Variants in CDH6 observed in about 807,000 individuals in gnomAD.
The protein encoded by CDH6 is cadherin-6.
CDH6 carries 31 observed loss-of-function variants against 78.0 expected under a neutral mutation model. The observed-to-expected ratio is 0.40, with a 90% CI of 0.30 to 0.54. CDH6 has a LOEUF of 0.54. CDH6 is among the 20% of genes least tolerant of loss of function. CDH6 has a pLI of 0.56. For missense variants in CDH6, 724 were observed against 975.9 expected, an observed-to-expected ratio of 0.74 and a Z score of 3.44; for synonymous variants, 376 against 368.8, an observed-to-expected ratio of 1.02 and a Z score of -0.23.
chr5:31,323,394 T>G lies in CDH6; in HGVS notation c.*86T>G. ...TATTTATCCACTACTCCGTGAAGGC[T>G]TCTCTGTTCTACCCGTTCCAAAAGC... On this transcript the variant is annotated 3_prime_UTR_variant, in exon 12 of 12. Coordinates refer to ENST00000265071, the MANE Select transcript of CDH6 (RefSeq NM_004932.4). 2.8e-6 allele frequency: 4 copies of G among 1,451,562 alleles called. No individual in the cohort carries two copies. The highest frequency in any genetic ancestry group is 3.7e-6 in the Non-Finnish European group (4 of 1,068,908). 89.9% of individuals were successfully genotyped at this position (1,451,562 alleles called of 1,614,324 possible).
intron 2 of CDH6, among the ~76,000 whole-genome samples, chr5:31,271,823 C>T (rs1046475349): frequency 2.6e-5 from 4 of 152,136 alleles, no homozygotes; most frequent in Non-Finnish European, 4.4e-5. Flanking sequence ...TGCATTTTAA[C>T]AAGATCCCCA....
rs1737544931 is a variant in CDH6, at chr5:31,294,970, C to G, written c.523+714C>G. 6.6e-6 allele frequency among the ~76,000 whole-genome samples: 1 copy of G among 152,158 alleles called. No individual in the cohort carries two copies. Among genetic ancestry groups the G allele is most frequent in the South Asian group, 2.1e-4 (1 of 4,830 alleles). On this transcript the variant is annotated intron_variant, in intron 3 of 11. Transcript: ENST00000265071. This position sits in a 1 kb window ranked among gnomAD's most constrained non-coding sequence, Gnocchi z 4.1. ...ACATTGAAATACTTCATGGGAGACA[C>G]TGACAAATTTTAAACTACTTATATA...
rs551388743 is a variant in CDH6 at position 31,326,193 on chromosome 5, A to G, written c.*2885A>G. On this transcript the variant is annotated 3_prime_UTR_variant, in exon 12 of 12. Transcript: ENST00000265071. Reference sequence around the variant, plus strand: ...TAATATTTGTTTCAATCACTTTGAAACTAAAATTCATTAAGCATAACCAGA... The same window carrying G: ...TAATATTTGTTTCAATCACTTTGAAGCTAAAATTCATTAAGCATAACCAGA... 4.4e-6 allele frequency: 1 copy of G among 226,296 alleles called. No homozygotes were observed. Among genetic ancestry groups the G allele is most frequent in the South Asian group, 1.8e-4 (1 of 5,444 alleles). 14.0% of individuals were successfully genotyped at this position (226,296 alleles called of 1,614,324 possible).
At chr5:31,277,214 C>A (rs1276822203) in intron 2 of CDH6, among the ~76,000 whole-genome samples, 1 of 152,188 alleles carries the variant, frequency 6.6e-6, no homozygotes, top group African/African-American at 2.4e-5. Flanking sequence ...TCCCTGGCAA[C>A]TGGTAGATTC....
intron 1 of CDH6, among the ~76,000 whole-genome samples, chr5:31,245,833 G>T (rs1299981988): frequency 1.4e-5 from 2 of 147,932 alleles, no homozygotes; most frequent in Admixed American, 6.7e-5. Context: ...CTTCTAATAC[G>T]CCATAATTTC....
At chr5:31,280,111 G>A (rs879354781) in intron 2 of CDH6, among the ~76,000 whole-genome samples, 20 of 152,122 alleles carry the variant, frequency 1.3e-4, no homozygotes, top group African/African-American at 4.8e-4. Context: ...TGACTGCCAC[G>A]CAAACCAGCA....
chr5:31,238,434 C>G (rs982887092), intron 1 of CDH6, among the ~76,000 whole-genome samples: 2 of 152,178 alleles, frequency 1.3e-5, no homozygotes, highest in Non-Finnish European at 2.9e-5. Flanking sequence ...CCAAACTGCT[C>G]TACTTTCCAT....
chr5:31,279,713 G>A (rs1169943918), intron 2 of CDH6, among the ~76,000 whole-genome samples: 2 of 152,178 alleles, frequency 1.3e-5, no homozygotes, highest in African/African-American at 4.8e-5. Context: ...GGAAGAAGGA[G>A]GGGTTGGTCT....
At chr5:31,295,608 A>G (rs1035103670) in intron 3 of CDH6, among the ~76,000 whole-genome samples, 2 of 152,182 alleles carry the variant, frequency 1.3e-5, no homozygotes, top group Non-Finnish European at 2.9e-5. Context: ...ATATCTCATT[A>G]TTGTGATTAT....
intron 7 of CDH6, among the ~76,000 whole-genome samples, chr5:31,313,101 A>T (rs771626438): frequency 6.6e-6 from 1 of 152,176 alleles, no homozygotes; most frequent in Non-Finnish European, 1.5e-5. Context: ...TTGTCTAGTG[A>T]GTTTACTATT....
chr5:31,260,126 T>C (rs987835870), intron 1 of CDH6, among the ~76,000 whole-genome samples: 37 of 152,258 alleles, frequency 2.4e-4, no homozygotes, highest in African/African-American at 8.7e-4. Context: ...TGTCGTCTGC[T>C]AAGATCTTTG....
At chr5:31,228,289 C>A in intron 1 of CDH6, among the ~76,000 whole-genome samples, 1 of 152,170 alleles carries the variant, frequency 6.6e-6, no homozygotes, top group East Asian at 1.9e-4. Context: ...TATCTGCGGT[C>A]TCTTTTGCCA....
rs554653778 is a variant in CDH6, at chr5:31,199,984, A to G, written c.-129+6098A>G. Among the ~76,000 whole-genome samples, 5 of 152,128 alleles carry G rather than the reference A, an allele frequency of 3.3e-5. No homozygotes were observed. In the East Asian group the frequency reaches 9.7e-4, roughly 29 times the overall value. On this transcript the variant is annotated intron_variant, in intron 1 of 11. Coordinates refer to ENST00000265071, the MANE Select transcript of CDH6 (RefSeq NM_004932.4). ...CAAGCACTTAATGAAGGTGCTGTTA[A>G]CAAACAGTTGTGATGTCTTAGAAGT...
chr5:31,244,727 C>G (rs947782252), intron 1 of CDH6, among the ~76,000 whole-genome samples: 1 of 152,136 alleles, frequency 6.6e-6, no homozygotes, highest in Non-Finnish European at 1.5e-5. Context: ...CCTCGAGGAA[C>G]AAGGTGGCCT....
At chr5:31,205,881 C>T (rs1740504149) in intron 1 of CDH6, among the ~76,000 whole-genome samples, 2 of 152,172 alleles carry the variant, frequency 1.3e-5, no homozygotes, top group South Asian at 4.1e-4. Flanking sequence ...ATATTTCAGG[C>T]ATCATTCTAA....
chr5:31,318,163 T>C (rs887512215), intron 11 of CDH6: 1 of 606,148 alleles, frequency 1.6e-6, no homozygotes, highest in African/African-American at 1.8e-5. Flanking sequence ...GCAAAGAATC[T>C]CTTGTCTATC....
At chr5:31,266,217 A>C (rs1314836894) in intron 1 of CDH6, among the ~76,000 whole-genome samples, 1 of 152,190 alleles carries the variant, frequency 6.6e-6, no homozygotes, top group Non-Finnish European at 1.5e-5. Context: ...AATTTGGGAC[A>C]TCTGTACCAA....
intron 1 of CDH6, among the ~76,000 whole-genome samples, chr5:31,229,882 C>T (rs1741270908): frequency 6.6e-6 from 1 of 152,162 alleles, no homozygotes; most frequent in South Asian, 2.1e-4. Flanking sequence ...TCTCCATTCT[C>T]CTGGCTGGTG....
intron 1 of CDH6, among the ~76,000 whole-genome samples, chr5:31,263,609 A>C (rs1005919190): frequency 6.6e-6 from 1 of 151,328 alleles, no homozygotes; most frequent in African/African-American, 2.4e-5. Flanking sequence ...TAAAGCCACC[A>C]CTCCCACTCT....
Sources: allele counts gnomAD v4.1 joint callset (sites outside exome capture counted in the v4.1 genomes callset), GRCh38; gene constraint gnomAD v4.1.1; non-coding constraint Gnocchi (gnomAD v3.1); transcripts MANE v1.5; gene names NCBI Gene and HGNC (gene_info 2026-07-23, HGNC 2026-07-21).